Variants in SCAPER observed in about 807,000 individuals in gnomAD.
SCAPER encodes the protein S phase cyclin A-associated protein in the endoplasmic reticulum.
Under a neutral mutation model 182.2 loss-of-function variants are expected in SCAPER, and 98 were observed. That is an observed-to-expected ratio of 0.54 (90% CI 0.46 to 0.64). The LOEUF (loss-of-function observed/expected upper bound fraction) is 0.64, where lower values mean the gene tolerates loss of function less well. Ranked by LOEUF, SCAPER falls within the 30% of genes least tolerant of loss-of-function variation. The probability of loss-of-function intolerance (pLI) is 0.00; values close to 1 mark genes in which losing one functional copy is unlikely to be tolerated. For missense variants in SCAPER, 1,432 were observed against 1,690.0 expected (o/e 0.85, Z 2.68); for synonymous variants, 605 against 564.6 (o/e 1.07, Z -1.01).
chr15:76,371,987 A>G (rs2042217312), intron 29 of SCAPER, among the ~76,000 whole-genome samples: 1 of 151,814 alleles, frequency 6.6e-6, no homozygotes, highest in Non-Finnish European at 1.5e-5. Flanking sequence ...TCAGCTTCTT[A>G]GAATTACTAT....
At chr15:76,365,591 GA>G (rs1239923067) in intron 29 of SCAPER, among the ~76,000 whole-genome samples, 1 of 152,184 alleles carries the variant, frequency 6.6e-6, no homozygotes, top group Admixed American at 6.5e-5. Flanking sequence ...CCTATCTATA[GA>G]ACACTGACCT....
At position 76,438,649 on chromosome 15, in the gene SCAPER, CT is replaced by C. The variant is rs113799060; in HGVS notation, c.3079-4340del. Among the ~76,000 whole-genome samples, 350 of 152,294 alleles carry C rather than the reference CT, an allele frequency of 2.3e-3. 4 individuals are homozygous for C. Among genetic ancestry groups the C allele is most frequent in the African/African-American group, 7.7e-3 (322 of 41,556 alleles). ...GTGGCCCTGCACTAGGCAAATCTCCCTTGTCAGGCTTGCTGGGCCAAATCCT... is the reference window on the plus strand; with the variant it reads ...GTGGCCCTGCACTAGGCAAATCTCCCTGTCAGGCTTGCTGGGCCAAATCCT... On this transcript the variant is annotated intron_variant, in intron 25 of 31. Transcript: ENST00000563290.
At chr15:76,780,952 A>G (rs1258708990) in intron 8 of SCAPER, among the ~76,000 whole-genome samples, 4 of 152,218 alleles carry the variant, frequency 2.6e-5, no homozygotes, top group Non-Finnish European at 4.4e-5. Flanking sequence ...AAAAGCTGAA[A>G]ATTCTAAAAA....
At chr15:76,820,507 C>A (rs950409423) in intron 5 of SCAPER, among the ~76,000 whole-genome samples, 2 of 147,644 alleles carry the variant, frequency 1.4e-5, no homozygotes, top group Admixed American at 7.0e-5. Flanking sequence ...CCAAACACCA[C>A]GTGTTCTCAC....
At chr15:76,780,241 A>G (rs2064027031) in intron 8 of SCAPER, among the ~76,000 whole-genome samples, 1 of 152,246 alleles carries the variant, frequency 6.6e-6, no homozygotes, top group African/African-American at 2.4e-5. Context: ...CGCCTGGCTC[A>G]GCAGGTCTCA....
chr15:76,427,859 G>A (rs988832415), intron 26 of SCAPER, among the ~76,000 whole-genome samples: 3 of 151,778 alleles, frequency 2.0e-5, no homozygotes, highest in Non-Finnish European at 4.4e-5. Flanking sequence ...CTTGAACCTG[G>A]GTAGCAGAGG....
At chr15:76,402,614 C>A (rs996231783) in intron 27 of SCAPER, among the ~76,000 whole-genome samples, 1 of 152,078 alleles carries the variant, frequency 6.6e-6, no homozygotes, top group African/African-American at 2.4e-5. Context: ...ACTCTTGGCT[C>A]CCTGAGGGCA....
At chr15:76,875,047 A>C (rs2073042113) in intron 2 of SCAPER, among the ~76,000 whole-genome samples, 1 of 152,232 alleles carries the variant, frequency 6.6e-6, no homozygotes, top group African/African-American at 2.4e-5. Flanking sequence ...AGTCCGTTGA[A>C]AAACATAACT....
chr15:76,417,014 A>G (rs1022909345), intron 26 of SCAPER, among the ~76,000 whole-genome samples: 3 of 151,994 alleles, frequency 2.0e-5, no homozygotes, highest in African/African-American at 7.3e-5. Flanking sequence ...ACAGTGAGCT[A>G]TGATCATGCC....
intron 23 of SCAPER, among the ~76,000 whole-genome samples, chr15:76,518,866 C>CT (rs979977433): frequency 6.6e-6 from 1 of 152,124 alleles, no homozygotes; most frequent in African/African-American, 2.4e-5. Flanking sequence ...AGTGTGAAAA[C>CT]TTTTTTCAGA....
Position 76,664,262 on chromosome 15 carries a change from G to A in SCAPER, c.2645+1391C>T, listed in dbSNP as rs567749774. Among the ~76,000 whole-genome samples, 6 of 152,272 alleles carry A rather than the reference G, an allele frequency of 3.9e-5. No homozygotes were observed. In the South Asian group the frequency reaches 1.2e-3, roughly 32 times the overall value. On this transcript the variant is annotated intron_variant, in intron 21 of 31. Coordinates refer to ENST00000563290, the MANE Select transcript of SCAPER (RefSeq NM_020843.4). ...TCAGAAGGCTACTATAACAATCCAG[G>A]TAAGAGCTGACTGAAGCTTTGGATC...
intron 20 of SCAPER, among the ~76,000 whole-genome samples, chr15:76,678,456 C>T (rs918965193): frequency 9.9e-5 from 15 of 152,024 alleles, no homozygotes; most frequent in African/African-American, 1.9e-4. Context: ...AGTATACCAC[C>T]GCTTTAAGCC....
intron 5 of SCAPER, among the ~76,000 whole-genome samples, chr15:76,828,844 C>T (rs980789045): frequency 1.3e-5 from 2 of 152,086 alleles, no homozygotes; most frequent in South Asian, 2.1e-4. Flanking sequence ...GTATAACAGG[C>T]AAATCAAAAC....
chr15:76,676,236 T>C (rs1005295882), intron 20 of SCAPER, among the ~76,000 whole-genome samples: 9 of 152,222 alleles, frequency 5.9e-5, no homozygotes. Context: ...TGAGCCTTGA[T>C]GGCATCCTTT....
chr15:76,632,162 T>A lies in SCAPER; in HGVS notation c.2646-10333A>T, dbSNP rs1004121858. Reference sequence around the variant, plus strand: ...GTCATTTACATTCCTCTCTAACTGGTTATTCTGGGTAACAGCTCCGGTAAC... The same window carrying A: ...GTCATTTACATTCCTCTCTAACTGGATATTCTGGGTAACAGCTCCGGTAAC... On this transcript the variant is annotated intron_variant, in intron 21 of 31. Coordinates refer to ENST00000563290, the MANE Select transcript of SCAPER (RefSeq NM_020843.4). 1.3e-4 allele frequency among the ~76,000 whole-genome samples: 20 copies of A among 152,212 alleles called. 1 individual carries two copies. Among genetic ancestry groups the A allele is most frequent in the African/African-American group, 4.3e-4 (18 of 41,528 alleles).
At position 76,795,401 on chromosome 15, in the gene SCAPER, G is replaced by A. The variant is rs745891571; in HGVS notation, c.651C>T (p.Pro217=). The A allele has an allele frequency of 5.6e-6, 9 of 1,607,866 alleles. No individual in the cohort carries two copies. The highest frequency in any genetic ancestry group is 7.6e-6 in the Non-Finnish European group (9 of 1,176,474). Residue 217 remains proline (P), a synonymous_variant, in exon 8 of 32, where the codon CCC becomes CCT. Coordinates refer to ENST00000563290, the MANE Select transcript of SCAPER (RefSeq NM_020843.4). ...TGTVPAPRLA[P]TGVSWADKVK... is the part of the protein sequence containing the mutation. ...CCTTGTCAGCCCAACTGACACCTGT[G>A]GGAGCCAGACGAGGAGCTGGCACTG...
rs778921023 is a variant in SCAPER at position 76,767,066 on chromosome 15, T to C, written c.1271A>G (p.Lys424Arg). 4.8e-5 allele frequency: 77 copies of C among 1,594,892 alleles called. No homozygotes were observed. Among genetic ancestry groups the C allele is most frequent in the Non-Finnish European group, 6.5e-5 (76 of 1,170,032 alleles). Residue 424 changes from lysine to arginine, a missense_variant, in exon 11 of 32, where the codon AAA (lysine) becomes AGA (arginine). Coordinates refer to ENST00000563290, the MANE Select transcript of SCAPER (RefSeq NM_020843.4). ...ISNSMAEVLA[K>R]KEELADRLEK... ...TAGACGATCTGCTAGCTCTTCTTTT[T>C]TAGCAAGGACTTCTGCCATGGACTA...
chr15:76,499,398 C>T (rs1442871820), intron 24 of SCAPER, among the ~76,000 whole-genome samples: 1 of 152,068 alleles, frequency 6.6e-6, no homozygotes, highest in East Asian at 1.9e-4. Flanking sequence ...AATCAAATGC[C>T]AAAATCAGAT....
intron 23 of SCAPER, among the ~76,000 whole-genome samples, chr15:76,573,364 T>C (rs890131626): frequency 1.3e-5 from 2 of 152,084 alleles, no homozygotes; most frequent in African/African-American, 4.8e-5. Context: ...ATTTCTTTTG[T>C]ACATATCAAA....
Sources: gnomAD v4.1 joint callset for allele counts (sites outside exome capture counted in the v4.1 genomes callset) on GRCh38, gnomAD v4.1.1 for gene constraint, MANE v1.5 for transcripts, NCBI Gene and HGNC (gene_info 2026-07-23, HGNC 2026-07-21) for gene names.